The following SPMIP2 variants were observed in gnomAD, a reference collection of about 807,000 sequenced individuals.
SPMIP2 encodes the protein sperm microtubule inner protein 2, also known as protein SPMIP2.
chr4:158,949,854 C>T, the SPMIP2 span, among the ~76,000 whole-genome samples: 3 of 152,164 alleles, frequency 2.0e-5, no homozygotes, highest in African/African-American at 7.2e-5. Context: ...TATGATCTTG[C>T]TTCTATTACA....
At chr4:159,052,487 G>T in the SPMIP2 span, among the ~76,000 whole-genome samples, 6 of 152,044 alleles carry the variant, frequency 3.9e-5, no homozygotes, top group Middle Eastern at 3.2e-3. Flanking sequence ...AGTTGTGCAG[G>T]GTAAAGCCGA....
the SPMIP2 span, among the ~76,000 whole-genome samples, chr4:159,039,898 C>A: frequency 3.0e-4 from 46 of 152,080 alleles, no homozygotes; most frequent in African/African-American, 1.1e-3. Context: ...TTAACATTTG[C>A]GAAAGAATCA....
At chr4:158,946,384 G>T in the SPMIP2 span, among the ~76,000 whole-genome samples, 1 of 139,740 alleles carries the variant, frequency 7.2e-6, no homozygotes, top group East Asian at 2.1e-4. Context: ...CACCCAAATC[G>T]AATCCCAAAT....
the SPMIP2 span, among the ~76,000 whole-genome samples, chr4:159,036,467 C>T: frequency 6.6e-6 from 1 of 152,200 alleles, no homozygotes; most frequent in African/African-American, 2.4e-5. Flanking sequence ...AGTCATTTCT[C>T]ACCAGGTTGG....
chr4:158,929,173 C>T, the SPMIP2 span, among the ~76,000 whole-genome samples: 97 of 152,258 alleles, frequency 6.4e-4, no homozygotes, highest in African/African-American at 2.0e-3. Flanking sequence ...TGTCATCATG[C>T]GTGGTTACTT....
the SPMIP2 span, among the ~76,000 whole-genome samples, chr4:159,040,938 G>GT: frequency 6.6e-6 from 1 of 152,176 alleles, no homozygotes; most frequent in Non-Finnish European, 1.5e-5. Context: ...GATAATGGAT[G>GT]TAAAGTGCTT....
the SPMIP2 span, among the ~76,000 whole-genome samples, chr4:159,061,574 G>A: frequency 9.2e-5 from 14 of 152,232 alleles, no homozygotes; most frequent in East Asian, 3.9e-4. Flanking sequence ...TTGGGAGGCC[G>A]AGGCAGGCGT....
At chr4:158,963,727 T>C in the SPMIP2 span, among the ~76,000 whole-genome samples, 1 of 131,956 alleles carries the variant, frequency 7.6e-6, no homozygotes, top group Admixed American at 7.3e-5. Flanking sequence ...TCAGCTGACT[T>C]GAAGAAAGGG....
chr4:158,896,802 A>G, the SPMIP2 span, among the ~76,000 whole-genome samples: 2 of 140,590 alleles, frequency 1.4e-5, no homozygotes, highest in African/African-American at 5.3e-5. Flanking sequence ...TTTTGTTTAT[A>G]TCTCTCTACC....
At chr4:158,903,587 T>C in the SPMIP2 span, among the ~76,000 whole-genome samples, 19 of 152,166 alleles carry the variant, frequency 1.2e-4, no homozygotes, top group African/African-American at 4.6e-4. Flanking sequence ...ATTAGTGGAC[T>C]CATGTTCATC....
the SPMIP2 span, among the ~76,000 whole-genome samples, chr4:159,067,264 A>G: frequency 6.6e-6 from 1 of 152,162 alleles, no homozygotes; most frequent in Non-Finnish European, 1.5e-5. Context: ...AGGAATAATT[A>G]AATAGAACTT....
chr4:158,970,358 T>C, the SPMIP2 span, among the ~76,000 whole-genome samples: 8 of 152,094 alleles, frequency 5.3e-5, no homozygotes, highest in East Asian at 3.9e-4. Context: ...CTGGGCAACA[T>C]AGACCTTGTC....
At chr4:158,916,120 T>G in the SPMIP2 span, among the ~76,000 whole-genome samples, 2 of 152,184 alleles carry the variant, frequency 1.3e-5, no homozygotes, top group African/African-American at 4.8e-5. Context: ...GAGATTTGCA[T>G]CGCCCTTCAC....
chr4:159,031,315 C>T, the SPMIP2 span, among the ~76,000 whole-genome samples: 3 of 152,146 alleles, frequency 2.0e-5, no homozygotes, highest in African/African-American at 7.2e-5. Flanking sequence ...TATAATCAAG[C>T]CTCTAGAGCC....
the SPMIP2 span, among the ~76,000 whole-genome samples, chr4:159,006,378 GCTTTAAC>G: frequency 1.3e-5 from 2 of 152,136 alleles, no homozygotes; most frequent in African/African-American, 4.8e-5. Flanking sequence ...AAAGCTAGTG[GCTTTAAC>G]CTGTGGGAAA....
At chr4:159,008,089 C>A in the SPMIP2 span, among the ~76,000 whole-genome samples, 1 of 151,802 alleles carries the variant, frequency 6.6e-6, no homozygotes, top group African/African-American at 2.4e-5. Flanking sequence ...TAAGTAGATA[C>A]AGTACAAAAT....
At chr4:159,025,813 A>AT in the SPMIP2 span, among the ~76,000 whole-genome samples, 1 of 152,172 alleles carries the variant, frequency 6.6e-6, no homozygotes, top group African/African-American at 2.4e-5. Context: ...CAAATTACAG[A>AT]TTTTTTAAAA....
chr4:158,905,430 G>A, the SPMIP2 span: 1 of 152,140 alleles, frequency 6.6e-6, no homozygotes, highest in Non-Finnish European at 1.5e-5. Flanking sequence ...TCCAGCTGAA[G>A]CCACTTTTTC....
At chr4:159,017,849 G>C in the SPMIP2 span, among the ~76,000 whole-genome samples, 16 of 152,314 alleles carry the variant, frequency 1.1e-4, no homozygotes, top group South Asian at 2.5e-3. Flanking sequence ...TGGTAAAGAG[G>C]AAGTCTTGGG....
Sources: gnomAD v4.1 joint callset for allele counts (sites outside exome capture counted in the v4.1 genomes callset) on GRCh38, gnomAD v4.1.1 for gene constraint, MANE v1.5 for transcripts, NCBI Gene and HGNC (gene_info 2026-07-23, HGNC 2026-07-21) for gene names.